The following ZFHX3 variants were observed in gnomAD, a reference collection of about 807,000 sequenced individuals.
ZFHX3 encodes zinc finger homeobox protein 3.
Under a neutral mutation model 279.1 loss-of-function variants are expected in ZFHX3, and 42 were observed. The observed-to-expected ratio is 0.15, with a 90% CI of 0.12 to 0.19. The LOEUF is 0.19. Ranked by LOEUF, ZFHX3 falls within the 10% of genes least tolerant of loss-of-function variation. The pLI is 1.00. For missense variants in ZFHX3, 4,981 were observed against 4,754.0 expected, an observed-to-expected ratio of 1.05 and a Z score of -1.40; for synonymous variants, 2,293 against 1,957.8, an observed-to-expected ratio of 1.17 and a Z score of -4.52.
intron 5 of ZFHX3, among the ~76,000 whole-genome samples, chr16:73,241,785 C>A (rs1393396637): frequency 9.4e-6 from 1 of 106,262 alleles, no homozygotes; most frequent in African/African-American, 4.5e-5. Context: ...AGCAAAACTC[C>A]GTCTCAAAAA....
At chr16:73,183,392 A>C (rs189947055) in intron 5 of ZFHX3, among the ~76,000 whole-genome samples, 1 of 152,354 alleles carries the variant, frequency 6.6e-6, no homozygotes, top group East Asian at 1.9e-4. Flanking sequence ...GCCTTTTAAA[A>C]GGCAGCAGTG....
chr16:73,693,299 G>T (rs1257926967), intron 1 of ZFHX3, among the ~76,000 whole-genome samples: 1 of 152,084 alleles, frequency 6.6e-6, no homozygotes, highest in African/African-American at 2.4e-5. Context: ...ATCAAACTCT[G>T]CATCTGGGGA....
intron 2 of ZFHX3, among the ~76,000 whole-genome samples, chr16:73,468,682 A>G (rs903261758): frequency 2.0e-5 from 3 of 152,230 alleles, no homozygotes; most frequent in Admixed American, 6.5e-5. Context: ...CATTGCAGTG[A>G]GCCGAGATTG....
intron 3 of ZFHX3, among the ~76,000 whole-genome samples, chr16:73,388,336 G>C (rs545132451): frequency 6.6e-6 from 1 of 152,220 alleles, no homozygotes; most frequent in African/African-American, 2.4e-5. Flanking sequence ...CAAAGAAAGT[G>C]GTCAGACAGC....
intron 4 of ZFHX3, among the ~76,000 whole-genome samples, chr16:73,280,102 C>T (rs747029084): frequency 1.9e-4 from 29 of 152,074 alleles, no homozygotes; most frequent in Non-Finnish European, 3.5e-4. Flanking sequence ...TGTTGGACAC[C>T]ATACTAAAAA....
chr16:73,876,227 C>T (rs1470055289), intron 1 of ZFHX3, among the ~76,000 whole-genome samples: 2 of 152,132 alleles, frequency 1.3e-5, no homozygotes, highest in Admixed American at 6.5e-5. Context: ...GGAATGAGTT[C>T]CTGCTGCTGA....
Position 73,422,350 on chromosome 16 carries a change from T to C in ZFHX3, c.-1291+33653A>G, listed in dbSNP as rs74959775. The stretch of plus-strand genomic sequence containing the variant: ...CTTTGGAGGTTGGCAATAAAATGTC[T>C]GAAACTAATCTTCCTCCCACCACTC... On this transcript the variant is annotated intron_variant, in intron 3 of 17. Coordinates refer to the ZFHX3 transcript ENST00000641206. Among the ~76,000 whole-genome samples the C allele has an allele frequency of 8.2e-3, 1,250 of 152,326 alleles. 14 individuals carry two copies. The highest frequency in any genetic ancestry group is 0.029 in the African/African-American group (1,198 of 41,564).
intron 2 of ZFHX3, among the ~76,000 whole-genome samples, chr16:73,503,555 T>G (rs2019274440): frequency 6.6e-6 from 1 of 152,232 alleles, no homozygotes. Context: ...CTCCAGTTCC[T>G]GACCTGGGTC....
In ZFHX3 at chr16:73,706,117, C is replaced by T. The variant is rs139594895; in HGVS notation, c.-1607-25877G>A. On this transcript the variant is annotated intron_variant, in intron 1 of 17. Coordinates refer to the ZFHX3 transcript ENST00000641206. The stretch of plus-strand genomic sequence containing the variant: ...TCCAGGAGTTTGAGACCAGCCTGGA[C>T]AACATAGTAAGACCTCATCTCTACA... Among the ~76,000 whole-genome samples, 448 of 152,122 alleles carry T rather than the reference C, an allele frequency of 2.9e-3. 2 individuals are homozygous for T. The highest frequency in any genetic ancestry group is 0.01 in the African/African-American group (418 of 41,494).
chr16:73,679,354 A>T (rs1417458062), intron 2 of ZFHX3: 1 of 152,200 alleles, frequency 6.6e-6, no homozygotes, highest in Non-Finnish European at 1.5e-5. Context: ...ATTTCAGGCC[A>T]GTGAGAAAGA....
chr16:73,839,769 G>T (rs73603514), intron 1 of ZFHX3, among the ~76,000 whole-genome samples: 149 of 152,334 alleles, frequency 9.8e-4, no homozygotes, highest in African/African-American at 3.5e-3. Context: ...CTAGTCCTAA[G>T]GGGACGTGCT....
chr16:73,018,882 C>G (rs1381053687), intron 1 of ZFHX3, among the ~76,000 whole-genome samples: 2 of 152,140 alleles, frequency 1.3e-5, no homozygotes, highest in Non-Finnish European at 2.9e-5. Flanking sequence ...AGAAAGAACT[C>G]ACTACCCAGC....
chr16:73,300,239 G>C (rs1251578881), intron 4 of ZFHX3, among the ~76,000 whole-genome samples: 2 of 144,468 alleles, frequency 1.4e-5, no homozygotes, highest in Non-Finnish European at 3.0e-5. Context: ...CACTAGCCTG[G>C]GTGACAGAGT....
At chr16:73,872,138 C>T (rs2029863395) in intron 1 of ZFHX3, among the ~76,000 whole-genome samples, 1 of 152,220 alleles carries the variant, frequency 6.6e-6, no homozygotes, top group South Asian at 2.1e-4. Context: ...AGGCATTCCG[C>T]AATTGGTTCC....
chr16:73,382,700 C>A (rs542651381), intron 3 of ZFHX3, among the ~76,000 whole-genome samples: 15 of 152,276 alleles, frequency 9.9e-5, no homozygotes, highest in Non-Finnish European at 1.9e-4. Flanking sequence ...GTGCCATACC[C>A]CGCTATGGAA....
intron 3 of ZFHX3, among the ~76,000 whole-genome samples, chr16:73,354,612 C>T (rs1483155956): frequency 2.0e-5 from 3 of 152,198 alleles, no homozygotes; most frequent in Non-Finnish European, 4.4e-5. Flanking sequence ...CGTCTGCCTG[C>T]GTGCAAGCTC....
rs576094679 is a variant in ZFHX3, at chr16:73,866,410, G to A, written c.-1608+25241C>T. 7.3e-5 allele frequency among the ~76,000 whole-genome samples: 11 copies of A among 151,634 alleles called. No individual in the cohort carries two copies. In the East Asian group the frequency reaches 7.8e-4, roughly 11 times the overall value. On this transcript the variant is annotated intron_variant, in intron 1 of 17. Transcript: ENST00000641206. ...CCCTGGTGGGTCTTGAACTCTGCCC[G>A]CCTCAGCCTCCCAAAGTGCTGGGAT...
chr16:73,389,615 C>T (rs1234558082), intron 3 of ZFHX3, among the ~76,000 whole-genome samples: 1 of 152,204 alleles, frequency 6.6e-6, no homozygotes, highest in Non-Finnish European at 1.5e-5. Context: ...AAAGGCAACA[C>T]ACAGCTGCTC....
chr16:73,865,494 C>A (rs1961990055), intron 1 of ZFHX3, among the ~76,000 whole-genome samples: 1 of 152,160 alleles, frequency 6.6e-6, no homozygotes, highest in Non-Finnish European at 1.5e-5. Context: ...GAACTGAGAT[C>A]CCCTAACCTC....
Sources: allele counts gnomAD v4.1 joint callset (sites outside exome capture counted in the v4.1 genomes callset), GRCh38; gene constraint gnomAD v4.1.1; transcripts MANE v1.5; gene names NCBI Gene and HGNC (gene_info 2026-07-23, HGNC 2026-07-21).